Variants in AGBL4 observed in about 807,000 individuals in gnomAD.
The protein encoded by AGBL4 is AGBL carboxypeptidase 4, also known as cytosolic carboxypeptidase 6.
AGBL4 carries 58 observed loss-of-function variants against 66.4 expected under a neutral mutation model. The ratio of observed to expected loss-of-function variants is 0.87; its 90% CI spans 0.71 to 1.09. The LOEUF is 1.09. AGBL4 is among the 50% of genes least tolerant of loss of function. The pLI is 0.00. For synonymous variants in AGBL4, 234 were observed against 222.9 expected, an observed-to-expected ratio of 1.05 and a Z score of -0.44; for missense variants, 579 against 631.0, an observed-to-expected ratio of 0.92 and a Z score of 0.88.
At chr1:49,916,748 T>A (rs1651552048) in intron 1 of AGBL4, among the ~76,000 whole-genome samples, 1 of 152,070 alleles carries the variant, frequency 6.6e-6, no homozygotes, top group South Asian at 2.1e-4. Context: ...ACAAAGATAC[T>A]CCTTGAGAAG....
chr1:48,957,559 C>T (rs1351517695), intron 5 of AGBL4, among the ~76,000 whole-genome samples: 4 of 152,150 alleles, frequency 2.6e-5, no homozygotes, highest in Non-Finnish European at 5.9e-5. Context: ...TATTTGTACT[C>T]CTCTCACCAA....
intron 9 of AGBL4, chr1:48,634,101 A>G (rs1645631881): frequency 6.4e-6 from 1 of 155,794 alleles, no homozygotes; most frequent in Non-Finnish European, 1.4e-5. Context: ...CAAGTTCCCT[A>G]TGTGTAGAAG....
chr1:48,932,464 A>G (rs1338608686), intron 5 of AGBL4, among the ~76,000 whole-genome samples: 2 of 152,184 alleles, frequency 1.3e-5, no homozygotes, highest in African/African-American at 2.4e-5. Context: ...TTTGGCTGTC[A>G]AAAGACCAGA....
At chr1:48,702,191 C>T (rs958673400) in intron 6 of AGBL4, among the ~76,000 whole-genome samples, 4 of 152,162 alleles carry the variant, frequency 2.6e-5, no homozygotes, top group Non-Finnish European at 4.4e-5. Flanking sequence ...TTAGACGACC[C>T]GCCTTCTGCT....
chr1:50,002,885 T>C (rs1660868376), intron 1 of AGBL4, among the ~76,000 whole-genome samples: 3 of 152,200 alleles, frequency 2.0e-5, no homozygotes, highest in African/African-American at 7.2e-5. Flanking sequence ...TAAAATCTTA[T>C]TATAATTCAA....
intron 4 of AGBL4, among the ~76,000 whole-genome samples, chr1:49,086,700 C>A (rs1246837486): frequency 6.6e-6 from 1 of 151,952 alleles, no homozygotes; most frequent in Non-Finnish European, 1.5e-5. Flanking sequence ...CCTCTTGTAG[C>A]CAGATGGGCC....
At chr1:49,488,798 C>T (rs564833931) in intron 3 of AGBL4, among the ~76,000 whole-genome samples, 1 of 151,768 alleles carries the variant, frequency 6.6e-6, no homozygotes, top group Non-Finnish European at 1.5e-5. Flanking sequence ...AACATGCAAA[C>T]TTTGTCTTTC....
At chr1:49,393,485 C>T (rs1248320166) in intron 3 of AGBL4, among the ~76,000 whole-genome samples, 1 of 152,144 alleles carries the variant, frequency 6.6e-6, no homozygotes, top group African/African-American at 2.4e-5. Context: ...CCAGCACTCT[C>T]AAGCGAGAGA....
intron 6 of AGBL4, among the ~76,000 whole-genome samples, chr1:48,680,923 C>A (rs1368756692): frequency 6.6e-6 from 1 of 152,188 alleles, no homozygotes; most frequent in Non-Finnish European, 1.5e-5. Context: ...TGCTCTTCAA[C>A]CCGTTAATCC....
chr1:48,975,721 G>A (rs1203970304), intron 5 of AGBL4, among the ~76,000 whole-genome samples: 4 of 152,236 alleles, frequency 2.6e-5, no homozygotes, highest in South Asian at 4.1e-4. Flanking sequence ...GAAGATACAA[G>A]TAAGTTGCAT....
intron 9 of AGBL4, among the ~76,000 whole-genome samples, chr1:48,602,769 CCCTT>C (rs1645093078): frequency 6.6e-6 from 1 of 152,192 alleles, no homozygotes; most frequent in African/African-American, 2.4e-5. Context: ...TGGCATCTCT[CCCTT>C]CATTCTTTCT....
intron 5 of AGBL4, among the ~76,000 whole-genome samples, chr1:48,921,192 A>G (rs1208023033): frequency 6.6e-6 from 1 of 152,168 alleles, no homozygotes; most frequent in Non-Finnish European, 1.5e-5. Flanking sequence ...TGGAACACAG[A>G]GAAGTAGACA....
At chr1:49,062,444 C>T (rs893983451) in intron 4 of AGBL4, among the ~76,000 whole-genome samples, 3 of 152,152 alleles carry the variant, frequency 2.0e-5, no homozygotes, top group Admixed American at 2.0e-4. Context: ...TCTATTTGTA[C>T]ACCATGAATC....
intron 9 of AGBL4, among the ~76,000 whole-genome samples, chr1:48,597,787 A>G (rs1217112955): frequency 2.0e-5 from 3 of 149,688 alleles, no homozygotes; most frequent in African/African-American, 7.4e-5. Context: ...GGTGGAAGGA[A>G]GGAAGGGAAG....
chr1:49,550,322 A>T (rs2148836661), intron 3 of AGBL4, among the ~76,000 whole-genome samples: 1 of 152,140 alleles, frequency 6.6e-6, no homozygotes, highest in South Asian at 2.1e-4. Flanking sequence ...TCATAGTGCT[A>T]TTTGTTGCCT....
chr1:49,844,241 T>C (rs1167555708), intron 2 of AGBL4, among the ~76,000 whole-genome samples: 1 of 152,158 alleles, frequency 6.6e-6, no homozygotes, highest in Non-Finnish European at 1.5e-5. Flanking sequence ...ACTTTCCCCA[T>C]GCAGCACCTT....
At chr1:49,496,809 G>C (rs575569764) in intron 3 of AGBL4, among the ~76,000 whole-genome samples, 48 of 146,476 alleles carry the variant, frequency 3.3e-4, no homozygotes, top group African/African-American at 1.2e-3. Context: ...CTTGAATATT[G>C]TGAAAAATGC....
chr1:49,763,785 G>A (rs559757056), intron 2 of AGBL4, among the ~76,000 whole-genome samples: 3 of 152,254 alleles, frequency 2.0e-5, no homozygotes, highest in South Asian at 2.1e-4. Flanking sequence ...CACGGAACCC[G>A]TCAGGCCATG....
chr1:49,656,968 G>A (rs375482637), intron 3 of AGBL4, among the ~76,000 whole-genome samples: 25 of 152,112 alleles, frequency 1.6e-4, no homozygotes, highest in East Asian at 7.8e-4. Context: ...GCCCTCTTTC[G>A]CCACTCCTAT....
Sources: allele counts gnomAD v4.1 joint callset (sites outside exome capture counted in the v4.1 genomes callset), GRCh38; gene constraint gnomAD v4.1.1; transcripts MANE v1.5; gene names NCBI Gene and HGNC (gene_info 2026-07-23, HGNC 2026-07-21).